COL22A1: variants seen among roughly 807,000 people sequenced by gnomAD.
COL22A1 encodes collagen alpha-1(XXII) chain.
COL22A1 carries 221 observed loss-of-function variants against 248.9 expected under a neutral mutation model. That is an observed-to-expected ratio of 0.89 (90% CI 0.80 to 0.99). COL22A1 has a LOEUF of 0.99. COL22A1 is among the 50% of genes least tolerant of loss of function. The probability of loss-of-function intolerance (pLI) is 0.00; values close to 1 mark genes in which losing one functional copy is unlikely to be tolerated. For missense variants in COL22A1, 2,240 were observed against 2,179.0 expected (o/e 1.03, Z -0.56); for synonymous variants, 891 against 793.4 (o/e 1.12, Z -2.07).
At chr8:138,724,589 G>T (rs748237054) in intron 25 of COL22A1, 26 bp downstream of exon 25, 27 of 1,610,686 alleles carry the variant, frequency 1.7e-5, no homozygotes, top group Non-Finnish European at 2.1e-5. Context: ...GAGGAGGGGA[G>T]CAGGAAGATG....
rs1471837130 is a variant in COL22A1 at position 138,757,614 on chromosome 8, G to A, written c.1903-1785C>T. ...CCTCGTATCCATCCCTAACAACTGT[G>A]TGTATACAGCTAACAGTTATTGGAG... is the stretch of plus-strand genomic sequence containing the variant. On this transcript the variant is annotated intron_variant, in intron 18 of 64. Coordinates refer to ENST00000303045, the MANE Select transcript of COL22A1 (RefSeq NM_152888.3). 2.0e-5 allele frequency among the ~76,000 whole-genome samples: 3 copies of A among 152,206 alleles called. No individual in the cohort carries two copies. The East Asian group carries it at 5.8e-4, about 29-fold the overall frequency.
chr8:138,716,292 G>A lies in COL22A1; in HGVS notation c.2401-3C>T, dbSNP rs753929440. 2.1e-5 allele frequency: 34 copies of A among 1,582,364 alleles called. No individual in the cohort carries two copies. Among genetic ancestry groups the A allele is most frequent in the Non-Finnish European group, 2.8e-5 (33 of 1,161,886 alleles). On this transcript the variant is annotated splice_polypyrimidine_tract_variant and splice_region_variant and intron_variant, in intron 28 of 64. Coordinates refer to ENST00000303045, the MANE Select transcript of COL22A1 (RefSeq NM_152888.3). ...GCCCCTGGGAGGCCTGCTTCTCCCT[G>A]TGAGAACAAAATATTCACAAGGCGT...
chr8:138,657,961 G>GT (rs34168529), intron 44 of COL22A1, among the ~76,000 whole-genome samples: 5 of 151,900 alleles, frequency 3.3e-5, no homozygotes, highest in African/African-American at 9.7e-5. Flanking sequence ...ATTTTTTACT[G>GT]TTTTTTTCCC....
chr8:138,637,936 A>T (rs1821333493), intron 47 of COL22A1, among the ~76,000 whole-genome samples: 2 of 152,142 alleles, frequency 1.3e-5, no homozygotes, highest in Admixed American at 1.3e-4. Flanking sequence ...CAGAGCTATT[A>T]TCATCACTGT....
intron 41 of COL22A1, among the ~76,000 whole-genome samples, chr8:138,672,998 G>A (rs1825169073): frequency 6.6e-6 from 1 of 152,106 alleles, no homozygotes; most frequent in Admixed American, 6.5e-5. Flanking sequence ...AAGATTAAAG[G>A]GATTTTTGTT....
chr8:138,739,230 T>C (rs1831366769), intron 22 of COL22A1, among the ~76,000 whole-genome samples: 1 of 152,158 alleles, frequency 6.6e-6, no homozygotes, highest in Non-Finnish European at 1.5e-5. Flanking sequence ...AACCCTCTTC[T>C]CATTTCCATG....
chr8:138,760,198 G>A (rs777833215), intron 18 of COL22A1, 45 bp downstream of exon 18: 101 of 1,508,390 alleles, frequency 6.7e-5, no homozygotes, highest in African/African-American at 1.4e-5. Flanking sequence ...CCCCGCACCT[G>A]CCTGCCCAGG....
intron 12 of COL22A1, among the ~76,000 whole-genome samples, chr8:138,794,086 A>G (rs1315357090): frequency 6.6e-6 from 1 of 152,140 alleles, no homozygotes; most frequent in Admixed American, 6.5e-5. Flanking sequence ...CATGCAAGCA[A>G]CAATGAAAGT....
intron 40 of COL22A1, among the ~76,000 whole-genome samples, chr8:138,676,943 A>C (rs961706595): frequency 6.6e-6 from 1 of 152,204 alleles, no homozygotes; most frequent in African/African-American, 2.4e-5. Context: ...CAAATCTACC[A>C]TGCTTTCTTC....
intron 4 of COL22A1, among the ~76,000 whole-genome samples, chr8:138,834,135 T>C (rs73366877): frequency 0.015 from 2,305 of 152,212 alleles, 53 homozygotes; most frequent in African/African-American, 0.052. Context: ...ACAGTGTGAC[T>C]CAACACCCGC....
chr8:138,747,165 T>C (rs1832187582), intron 22 of COL22A1, among the ~76,000 whole-genome samples: 1 of 152,218 alleles, frequency 6.6e-6, no homozygotes, highest in Admixed American at 6.5e-5. Flanking sequence ...CAACATGATG[T>C]GATGATTTTA....
In COL22A1 at chr8:138,877,828, A is replaced by C; in HGVS notation, c.580T>G (p.Ser194Ala). 1.2e-6 allele frequency: 2 copies of C among 1,612,918 alleles called. No individual in the cohort carries two copies. Among genetic ancestry groups the C allele is most frequent in the Non-Finnish European group, 1.7e-6 (2 of 1,179,546 alleles). The change falls in exon 3 of 65, where the codon TCC (serine) becomes GCC (alanine). Residue 194 changes from serine to alanine, a missense_variant. Coordinates refer to ENST00000303045, the MANE Select transcript of COL22A1 (RefSeq NM_152888.3). ...ELEEIASEPK[S>A]AHVFHVSDFN... is the part of the protein sequence containing the mutation. ...TCGGACACGTGGAAGACGTGGGCGG[A>C]CTTGGGCTCTGAGGCGATCTCCTCC...
At chr8:138,870,629 GTC>G (rs2132008148) in intron 3 of COL22A1, among the ~76,000 whole-genome samples, 1 of 151,932 alleles carries the variant, frequency 6.6e-6, no homozygotes, top group South Asian at 2.1e-4. Context: ...TCTATGGAGT[GTC>G]TGTGGTATAC....
At chr8:138,615,958 C>A (rs778911064) in intron 55 of COL22A1, 43 bp downstream of exon 55, 15 of 1,505,446 alleles carry the variant, frequency 1.0e-5, no homozygotes, top group Non-Finnish European at 1.3e-5. Flanking sequence ...GATACACCCA[C>A]CCCCAGCCCC....
intron 3 of COL22A1, among the ~76,000 whole-genome samples, chr8:138,858,981 C>T (rs1176115260): frequency 1.3e-5 from 2 of 152,136 alleles, no homozygotes; most frequent in Non-Finnish European, 2.9e-5. Context: ...CTCGTCCCAG[C>T]GTTGACCCTA....
chr8:138,908,400 T>C (rs944710610), intron 1 of COL22A1, among the ~76,000 whole-genome samples: 15 of 152,260 alleles, frequency 9.9e-5, no homozygotes, highest in Non-Finnish European at 1.9e-4. Flanking sequence ...ATGCTTTTGT[T>C]ACTTTTTAAA....
intron 6 of COL22A1, among the ~76,000 whole-genome samples, chr8:138,822,937 T>C (rs1819268699): frequency 6.6e-6 from 1 of 152,196 alleles, no homozygotes; most frequent in South Asian, 2.1e-4. Flanking sequence ...TGGCATGCCT[T>C]GGCATTTCTT....
chr8:138,595,317 C>T (rs1157475396), intron 62 of COL22A1, among the ~76,000 whole-genome samples: 3 of 152,148 alleles, frequency 2.0e-5, no homozygotes, highest in African/African-American at 4.8e-5. Context: ...GGAGTGGATG[C>T]TCCTTCCTCA....
chr8:138,795,675 C>G (rs1422062648), intron 12 of COL22A1, among the ~76,000 whole-genome samples: 6 of 152,284 alleles, frequency 3.9e-5, no homozygotes, highest in Non-Finnish European at 8.8e-5. Context: ...TCATCAAATA[C>G]TGTTGCATTA....
Sources: gnomAD v4.1 joint callset for allele counts (sites outside exome capture counted in the v4.1 genomes callset) on GRCh38, gnomAD v4.1.1 for gene constraint, MANE v1.5 for transcripts, NCBI Gene and HGNC (gene_info 2026-07-23, HGNC 2026-07-21) for gene names.